TADA2A: variants seen among roughly 807,000 people sequenced by gnomAD.
The protein encoded by TADA2A is transcriptional adapter 2-alpha.
TADA2A carries 38 observed loss-of-function variants against 67.4 expected under a neutral mutation model. That is an observed-to-expected ratio of 0.56 (90% confidence interval 0.44 to 0.74). The LOEUF (loss-of-function observed/expected upper bound fraction) is 0.74. Ranked by LOEUF, TADA2A falls within the 30% of genes least tolerant of loss-of-function variation. The pLI is 0.00. For synonymous variants in TADA2A, 192 were observed against 181.6 expected, an observed-to-expected ratio of 1.06 and a Z score of -0.46; for missense variants, 454 against 547.0, an observed-to-expected ratio of 0.83 and a Z score of 1.70.
chr17:37,418,752 G>C (rs888696001), intron 2 of TADA2A, among the ~76,000 whole-genome samples: 1 of 151,842 alleles, frequency 6.6e-6, no homozygotes, highest in African/African-American at 2.4e-5. Flanking sequence ...ACCACATCCA[G>C]CTAATTTTTT....
chr17:37,461,522 A>T (rs79958836), intron 9 of TADA2A, among the ~76,000 whole-genome samples: 2 of 152,200 alleles, frequency 1.3e-5, no homozygotes, highest in African/African-American at 4.8e-5. Flanking sequence ...TTAAAACACA[A>T]TTCGAGCTAG....
intron 2 of TADA2A, among the ~76,000 whole-genome samples, chr17:37,416,576 G>T (rs575307054): frequency 6.6e-6 from 1 of 152,080 alleles, no homozygotes; most frequent in African/African-American, 2.4e-5. Context: ...TGGTTAAAAA[G>T]CCTCACTCGG....
rs1285525644 is a variant in TADA2A, at chr17:37,421,341, C to T, written c.26-2168C>T. Among the ~76,000 whole-genome samples, 7 of 146,110 alleles carry T rather than the reference C, an allele frequency of 4.8e-5. 1 individual carries two copies. The highest frequency in any genetic ancestry group is 9.1e-5 in the Non-Finnish European group (6 of 65,574). ...ACAGTGAGCCATGATCTCACCACTGCACTCCAGCCTGGGCAACAGTCTAAG... is the reference window on the plus strand; with the variant it reads ...ACAGTGAGCCATGATCTCACCACTGTACTCCAGCCTGGGCAACAGTCTAAG... On this transcript the variant is annotated intron_variant, in intron 2 of 15. Coordinates refer to ENST00000615182, the MANE Select transcript of TADA2A (RefSeq NM_001166105.3).
intron 4 of TADA2A, among the ~76,000 whole-genome samples, chr17:37,435,418 A>G (rs2052694676): frequency 6.6e-6 from 1 of 152,116 alleles, no homozygotes; most frequent in Non-Finnish European, 1.5e-5. Flanking sequence ...CCTCCCGAGC[A>G]GCTGGGACTA....
chr17:37,420,589 C>T (rs9898064), intron 2 of TADA2A, among the ~76,000 whole-genome samples: 40,053 of 144,350 alleles, frequency 0.28, 8,504 homozygotes, highest in Middle Eastern at 0.41. Context: ...GATGGGGTTT[C>T]GCCATGCTGG....
chr17:37,459,871 G>GC (rs2053503216), intron 9 of TADA2A, among the ~76,000 whole-genome samples: 1 of 151,168 alleles, frequency 6.6e-6, no homozygotes. Flanking sequence ...TTCAAGACCA[G>GC]CCTGACCAAC....
chr17:37,462,458 C>A (rs571723427), intron 10 of TADA2A, among the ~76,000 whole-genome samples: 3 of 151,870 alleles, frequency 2.0e-5, no homozygotes, highest in African/African-American at 7.2e-5. Flanking sequence ...GAAACCCCAT[C>A]TCTACTAAAA....
chr17:37,425,724 A>T (rs4795198), intron 3 of TADA2A, among the ~76,000 whole-genome samples: 34,656 of 151,130 alleles, frequency 0.23, 4,143 homozygotes, highest in Middle Eastern at 0.35. Context: ...TCATGGCTCA[A>T]TGCCACCTCT....
chr17:37,445,428 G>A (rs187549576), intron 8 of TADA2A, among the ~76,000 whole-genome samples: 1 of 152,262 alleles, frequency 6.6e-6, no homozygotes, highest in African/African-American at 2.4e-5. Flanking sequence ...ACCATGCCCA[G>A]CTAATTTTTG....
At chr17:37,444,523 T>C (rs372231771) in intron 7 of TADA2A, among the ~76,000 whole-genome samples, 173 bp from the exon 8 acceptor site, 178 of 152,314 alleles carry the variant, frequency 1.2e-3, no homozygotes, top group African/African-American at 4.2e-3. Flanking sequence ...TCTTAGATTT[T>C]TCCCATGACT....
In TADA2A at chr17:37,479,631, A is replaced by G. The variant is rs935711454; in HGVS notation, c.*2649A>G. On this transcript the variant is annotated 3_prime_UTR_variant, in exon 16 of 16. Transcript: ENST00000615182. The stretch of plus-strand genomic sequence containing the variant: ...ACATGAATAAAACCTGTTTACTGAA[A>G]TTTTTATTGCAATTTAACGTTAAAA... 2.6e-5 allele frequency: 4 copies of G among 152,142 alleles called. No individual in the cohort carries two copies. Among genetic ancestry groups the G allele is most frequent in the Non-Finnish European group, 5.9e-5 (4 of 68,012 alleles). The allele number at this position is 152,142 out of a possible 1,614,324, so 9.4% of individuals were successfully genotyped here. A position where few individuals can be genotyped will look rare whatever the true frequency, so the allele number is the denominator to read the frequency against.
At chr17:37,425,126 C>T (rs1324951402) in intron 3 of TADA2A, among the ~76,000 whole-genome samples, 1 of 151,762 alleles carries the variant, frequency 6.6e-6, no homozygotes, top group East Asian at 1.9e-4. Context: ...AGTGATCCTC[C>T]TGCCTCAGCC....
chr17:37,479,472 A>G lies in TADA2A; in HGVS notation c.*2490A>G, dbSNP rs1290890434. On this transcript the variant is annotated 3_prime_UTR_variant, in exon 16 of 16. Transcript: ENST00000615182. ...AGTAGGATTATTATTTCTTTGGTAT[A>G]CCGAACTTTGCAAAGATACGTAGCA... The G allele has an allele frequency of 6.6e-6, 1 of 152,208 alleles. No homozygotes were observed. Among genetic ancestry groups the G allele is most frequent in the Non-Finnish European group, 1.5e-5 (1 of 68,038 alleles). The allele number at this position is 152,208 out of a possible 1,614,324, so 9.4% of individuals were successfully genotyped here. A position where few individuals can be genotyped will look rare whatever the true frequency, so the allele number is the denominator to read the frequency against.
intron 8 of TADA2A, among the ~76,000 whole-genome samples, chr17:37,458,122 A>G (rs1251015045): frequency 5.9e-5 from 9 of 151,898 alleles, no homozygotes; most frequent in Middle Eastern, 3.4e-3. Flanking sequence ...GTTCCCCTCT[A>G]TGTGTCCGTG....
At chr17:37,450,853 AG>A (rs2053212837) in intron 8 of TADA2A, among the ~76,000 whole-genome samples, 1 of 152,170 alleles carries the variant, frequency 6.6e-6, no homozygotes, top group South Asian at 2.1e-4. Context: ...GTTGCTGCTG[AG>A]TGTGCTCAGA....
chr17:37,463,483 A>G (rs1008967186), intron 10 of TADA2A, among the ~76,000 whole-genome samples: 3 of 152,084 alleles, frequency 2.0e-5, no homozygotes, highest in South Asian at 2.1e-4. Flanking sequence ...GCTTGCACCT[A>G]TAATCCCAGC....
At position 37,465,496 on chromosome 17, in the gene TADA2A, A is replaced by C. The variant is rs2053644795; in HGVS notation, c.778A>C (p.Ile260Leu). ...LYETMRRFAR[I>L]VGPVEHDKFI... ...TGAAACAATGAGGCGATTTGCAAGA[A>C]TTGTGGGGCCAGTGGAACATGACAA... Residue 260 changes from isoleucine (I) to leucine (L), a missense_variant, in exon 11 of 16, where the codon ATT becomes CTT. By Grantham distance (5) the Ile-to-Leu change is conservative. Coordinates refer to ENST00000615182, the MANE Select transcript of TADA2A (RefSeq NM_001166105.3). The C allele has an allele frequency of 9.3e-6, 15 of 1,614,048 alleles. No individual in the cohort carries two copies. Among genetic ancestry groups the C allele is most frequent in the Non-Finnish European group, 1.3e-5 (15 of 1,180,046 alleles).
At chr17:37,427,675 A>T (rs2052448952) in intron 4 of TADA2A, among the ~76,000 whole-genome samples, 1 of 151,800 alleles carries the variant, frequency 6.6e-6, no homozygotes, top group Admixed American at 6.6e-5. Context: ...GGGTATATAT[A>T]CCTTTGTCAA....
Position 37,440,046 on chromosome 17 carries a change from C to T in TADA2A, c.285-459C>T, listed in dbSNP as rs527659675. ...GCAACCTTTGCCTCCTGGGTTCAAG[C>T]AATTCTCCTGCCTCAGCCTCCCAAG... On this transcript the variant is annotated intron_variant, in intron 5 of 15. Coordinates refer to ENST00000615182, the MANE Select transcript of TADA2A (RefSeq NM_001166105.3). 2.0e-5 allele frequency among the ~76,000 whole-genome samples: 3 copies of T among 151,380 alleles called. No individual in the cohort carries two copies. The East Asian group carries it at 5.8e-4, about 29-fold the overall frequency.
Sources: gnomAD v4.1 joint callset for allele counts (sites outside exome capture counted in the v4.1 genomes callset) on GRCh38, gnomAD v4.1.1 for gene constraint, MANE v1.5 for transcripts, NCBI Gene and HGNC (gene_info 2026-07-23, HGNC 2026-07-21) for gene names.